Variants in CFAP97 observed in about 807,000 individuals in gnomAD.
The protein encoded by CFAP97 is cilia and flagella associated protein 97, also known as cilia- and flagella-associated protein 97.
A neutral mutation model predicts 43.1 loss-of-function variants in CFAP97; 36 were observed. That is an observed-to-expected ratio of 0.84 (90% confidence interval 0.64 to 1.10). The LOEUF (loss-of-function observed/expected upper bound fraction) is 1.10. Ranked by LOEUF, CFAP97 falls within the 50% of genes least tolerant of loss-of-function variation. CFAP97 has a pLI of 0.00. For missense variants in CFAP97, 657 were observed against 620.3 expected (o/e 1.06, Z -0.63); for synonymous variants, 228 against 225.7 (o/e 1.01, Z -0.09).
chr4:185,201,459 C>A (rs1560878178), intron 1 of CFAP97, among the ~76,000 whole-genome samples: 1 of 152,026 alleles, frequency 6.6e-6, no homozygotes, highest in Non-Finnish European at 1.5e-5. Flanking sequence ...GAAATTGCCA[C>A]AGCCATCCCA....
chr4:185,199,526 C>A (rs1736726268), intron 1 of CFAP97, among the ~76,000 whole-genome samples: 1 of 151,626 alleles, frequency 6.6e-6, no homozygotes, highest in South Asian at 2.1e-4. Flanking sequence ...AAAAGTTAGC[C>A]AGGGGCTAAT....
At chr4:185,168,745 T>C (rs1453656640) in intron 3 of CFAP97, among the ~76,000 whole-genome samples, 7 of 151,242 alleles carry the variant, frequency 4.6e-5, no homozygotes, top group Non-Finnish European at 1.0e-4. Flanking sequence ...ATACAAAAAT[T>C]AGCTGGGCAT....
chr4:185,200,465 C>A (rs530527161), intron 1 of CFAP97, among the ~76,000 whole-genome samples: 2 of 152,270 alleles, frequency 1.3e-5, no homozygotes, highest in African/African-American at 4.8e-5. Flanking sequence ...CAGGGTGAAT[C>A]TCCGTCTCTA....
At chr4:185,210,193 C>A, upstream of CFAP97, 1 of 984,948 alleles carries the variant, frequency 1.0e-6, no homozygotes, top group South Asian at 4.7e-5. The surrounding 1 kb of genome is among the most constrained non-coding windows in gnomAD (Gnocchi z 4.4). Flanking sequence ...CGCCCAGCCG[C>A]CCGACTTCGC....
intron 3 of CFAP97, chr4:185,170,016 AC>A (rs1400764008): frequency 8.8e-7 from 1 of 1,131,442 alleles, no homozygotes; most frequent in Non-Finnish European, 1.1e-6. Flanking sequence ...ACAATTTATC[AC>A]AATCTCCCTT....
intron 1 of CFAP97, among the ~76,000 whole-genome samples, chr4:185,199,675 A>T (rs1303475200): frequency 1.3e-5 from 2 of 152,182 alleles, no homozygotes; most frequent in Admixed American, 1.3e-4. Flanking sequence ...GTCCAAAAAA[A>T]ACAAAAAAGA....
chr4:185,175,849 T>A lies in CFAP97; in HGVS notation c.1257A>T (p.Pro419=), dbSNP rs530087194. The change falls in exon 3 of 5, where the codon CCA becomes CCT. Residue 419 remains proline (P), a synonymous_variant. Coordinates refer to ENST00000458385, the MANE Select transcript of CFAP97 (RefSeq NM_020827.3). ...STIPRSADHP[P]KLYHSALNRQ... Reference sequence around the variant, plus strand: ...TGTTGAGAGCACTGTGATATAACTTTGGGGGATGATCAGCCGATCTAGGAA... The same window carrying A: ...TGTTGAGAGCACTGTGATATAACTTAGGGGGATGATCAGCCGATCTAGGAA... 3 of 1,614,004 alleles carry A rather than the reference T, an allele frequency of 1.9e-6. No homozygotes were observed. In the South Asian group the frequency reaches 3.3e-5, roughly 18 times the overall value.
intron 3 of CFAP97, 28 bp downstream of exon 3, chr4:185,175,758 T>A (rs756708498): frequency 6.9e-6 from 11 of 1,600,552 alleles, no homozygotes; most frequent in Non-Finnish European, 9.4e-6. Context: ...CACATTTTCT[T>A]TGATGACTAA....
upstream of CFAP97, among the ~76,000 whole-genome samples, chr4:185,204,853 C>A (rs1446533519): frequency 3.3e-5 from 5 of 152,180 alleles, no homozygotes; most frequent in East Asian, 3.8e-4. Context: ...TCTCCTGAAA[C>A]CTCAGGAAGG....
At chr4:185,198,334 T>C (rs1348019036) in intron 1 of CFAP97, among the ~76,000 whole-genome samples, 1 of 150,310 alleles carries the variant, frequency 6.7e-6, no homozygotes, top group Non-Finnish European at 1.5e-5. Context: ...TCCCAGCTAC[T>C]TGGGAGGCTG....
intron 2 of CFAP97, 78 bp downstream of exon 2, chr4:185,190,065 T>G: frequency 8.5e-7 from 1 of 1,171,826 alleles, no homozygotes; most frequent in African/African-American, 1.5e-5. Flanking sequence ...ACTAGATCAA[T>G]GCAAATTCAT....
At chr4:185,196,891 G>A (rs1736571763) in intron 1 of CFAP97, among the ~76,000 whole-genome samples, 1 of 152,060 alleles carries the variant, frequency 6.6e-6, no homozygotes, top group African/African-American at 2.4e-5. Context: ...TTTGAGGTCA[G>A]GAGTTCAAAA....
intron 1 of CFAP97, among the ~76,000 whole-genome samples, chr4:185,198,442 T>TAA (rs1413103207): frequency 9.9e-6 from 1 of 101,052 alleles, no homozygotes; most frequent in Admixed American, 1.1e-4. Context: ...GACTCTGTCT[T>TAA]AAAAAAAAAA....
chr4:185,201,547 A>C (rs1348490874), intron 1 of CFAP97, among the ~76,000 whole-genome samples: 1 of 152,180 alleles, frequency 6.6e-6, no homozygotes, highest in African/African-American at 2.4e-5. Flanking sequence ...AAAAAAAATT[A>C]CAACTCCCTG....
In CFAP97 at chr4:185,190,932, C is replaced by T; in HGVS notation, c.265G>A (p.Val89Ile). The T allele has an allele frequency of 6.2e-7, 1 of 1,613,686 alleles. No individual in the cohort carries two copies. Among genetic ancestry groups the T allele is most frequent in the Non-Finnish European group, 8.5e-7 (1 of 1,179,754 alleles). The change falls in exon 2 of 5, where the codon GTA (valine) becomes ATA (isoleucine). Residue 89 changes from valine to isoleucine, a missense_variant. Coordinates refer to ENST00000458385, the MANE Select transcript of CFAP97 (RefSeq NM_020827.3). ...HPVENDVTQT[V>I]SSFSLPASSR... ...GAGGCTGGCAATGAGAAAGAACTTA[C>T]AGTTTGTGTAACATCATTCTCTACG...
intron 3 of CFAP97, chr4:185,169,859 G>A (rs1735225841): frequency 2.0e-6 from 2 of 985,754 alleles, no homozygotes; most frequent in Non-Finnish European, 2.4e-6. Context: ...TTCTTCAACG[G>A]AAGGAGATAA....
chr4:185,177,279 G>A (rs941715556), intron 2 of CFAP97, among the ~76,000 whole-genome samples: 6 of 151,874 alleles, frequency 4.0e-5, no homozygotes, highest in African/African-American at 9.7e-5. Context: ...CTGGCTTGGC[G>A]GTGTGCACCT....
upstream of CFAP97, chr4:185,204,477 T>TA (rs1249300358): frequency 1.3e-5 from 2 of 152,204 alleles, no homozygotes; most frequent in African/African-American, 4.8e-5. Flanking sequence ...GGTGGGTAGT[T>TA]AAAACAATCT....
intron 3 of CFAP97, among the ~76,000 whole-genome samples, chr4:185,167,711 T>G (rs922415056): frequency 3.9e-5 from 6 of 152,044 alleles, no homozygotes; most frequent in African/African-American, 1.4e-4. Flanking sequence ...AAGAACTTAT[T>G]CAGGCTGGGC....
Sources: allele counts gnomAD v4.1 joint callset (sites outside exome capture counted in the v4.1 genomes callset), GRCh38; gene constraint gnomAD v4.1.1; non-coding constraint Gnocchi (gnomAD v3.1); transcripts MANE v1.5; gene names NCBI Gene and HGNC (gene_info 2026-07-23, HGNC 2026-07-21).